FAT3: variants seen among roughly 807,000 people sequenced by gnomAD.
FAT3 encodes the protein protocadherin Fat 3.
Under a neutral mutation model 310.2 loss-of-function variants are expected in FAT3, and 95 were observed. The ratio of observed to expected loss-of-function variants is 0.31; its 90% confidence interval spans 0.26 to 0.36. FAT3 has a LOEUF of 0.36. Ranked by LOEUF, FAT3 falls within the 10% of genes least tolerant of loss-of-function variation. The pLI, the probability that FAT3 is intolerant of heterozygous loss-of-function variation, is 1.00. For missense variants in FAT3, 5,408 were observed against 5,715.6 expected (o/e 0.95, Z 1.74); for synonymous variants, 2,314 against 2,192.9 (o/e 1.06, Z -1.54).
intron 3 of FAT3, among the ~76,000 whole-genome samples, chr11:92,668,939 A>G (rs1208898254): frequency 6.6e-6 from 1 of 152,216 alleles, no homozygotes; most frequent in Non-Finnish European, 1.5e-5. Flanking sequence ...GGGATTGGGT[A>G]AAATGTGGAA....
chr11:92,774,154 G>A lies in FAT3; in HGVS notation c.4309G>A (p.Asp1437Asn), dbSNP rs779763036. 4.3e-6 allele frequency: 7 copies of A among 1,612,140 alleles called. No homozygotes were observed. Among genetic ancestry groups the A allele is most frequent in the South Asian group, 1.1e-5 (1 of 90,718 alleles). ...SIYNMSVEVTDGTNVAVTQVF... is the reference protein window; with the variant it reads ...SIYNMSVEVTNGTNVAVTQVF... ...CTATAATATGAGTGTGGAAGTCACC[G>A]ATGGGACAAATGTTGCTGTTACTCA... The change falls in exon 7 of 28, where the codon GAT (aspartate) becomes AAT (asparagine). Residue 1437 changes from aspartate to asparagine, a missense_variant. Physicochemically the swap from Asp to Asn is conservative, Grantham distance 23. This residue lies in a region of FAT3 where 4,588 missense variants were observed against 4,809.8 expected (regional missense o/e 0.95). Transcript: ENST00000525166.
At chr11:92,779,540 C>A (rs1408475311) in intron 7 of FAT3, among the ~76,000 whole-genome samples, 3 of 151,748 alleles carry the variant, frequency 2.0e-5, no homozygotes, top group African/African-American at 7.3e-5. Flanking sequence ...TAAAAAAAAC[C>A]CAAGTGTTTA....
chr11:92,723,075 C>A (rs1194863126), intron 4 of FAT3, among the ~76,000 whole-genome samples: 1 of 152,186 alleles, frequency 6.6e-6, no homozygotes, highest in African/African-American at 2.4e-5. Flanking sequence ...GCTTGAATTT[C>A]TCCTCAGAAA....
rs1208826432 is a variant in FAT3, at chr11:92,418,419, A to ACCCC, written c.3292+63020_3292+63023dup. ...ACAAACTTCAGTGCAAAAGTTAAAC[A>ACCCC]CCCCCCCCACCCCCCCACACACACA... is the stretch of plus-strand genomic sequence containing the variant. On this transcript the variant is annotated intron_variant, in intron 2 of 27. Coordinates refer to ENST00000525166, the MANE Select transcript of FAT3 (RefSeq NM_001367949.2). 6.9e-3 allele frequency among the ~76,000 whole-genome samples: 271 copies of ACCCC among 39,504 alleles called. 2 individuals are homozygous for ACCCC. The highest frequency in any genetic ancestry group is 0.011 in the Non-Finnish European group (205 of 18,300). The allele number at this position is 39,504 out of a possible 152,430, so 25.9% of individuals were successfully genotyped here. A position where few individuals can be genotyped will look rare whatever the true frequency, so the allele number is the denominator to read the frequency against.
Position 92,866,938 on chromosome 11 carries a change from T to C in FAT3, c.11856T>C (p.Thr3952=). Residue 3952 remains threonine, a synonymous_variant, in exon 22 of 28, where the codon ACT becomes ACC. Transcript: ENST00000525166. Reference sequence around the variant, plus strand: ...CCCTCTACTTCCAGACGCTGAGCACTGAGAGTAGCATCTACTTCGGCGCCC... The same window carrying C: ...CCCTCTACTTCCAGACGCTGAGCACCGAGAGTAGCATCTACTTCGGCGCCC... The part of the protein sequence containing the change: ...RAPLYFQTLS[T]ESSIYFGALV... 1.2e-6 allele frequency: 2 copies of C among 1,613,820 alleles called. No individual in the cohort carries two copies. Among genetic ancestry groups the C allele is most frequent in the Non-Finnish European group, 1.7e-6 (2 of 1,179,838 alleles).
intron 2 of FAT3, among the ~76,000 whole-genome samples, chr11:92,365,326 C>T (rs1402735732): frequency 1.3e-5 from 2 of 151,894 alleles, no homozygotes; most frequent in Non-Finnish European, 2.9e-5. Flanking sequence ...ACACACATAC[C>T]CTAAAAGATA....
chr11:92,490,205 A>G (rs1194310856), intron 2 of FAT3, among the ~76,000 whole-genome samples: 1 of 152,170 alleles, frequency 6.6e-6, no homozygotes, highest in African/African-American at 2.4e-5. Context: ...ATATGCAGCT[A>G]ATGATGATAG....
Position 92,361,769 on chromosome 11 carries a change from A to G in FAT3, c.3292+6365A>G, listed in dbSNP as rs755689910. ...TTACTGAACAATAGAATAGCATGAC[A>G]TAGCACGTGACAGCTCTCACAATTG... On this transcript the variant is annotated intron_variant, in intron 2 of 27. Transcript: ENST00000525166. 6.0e-4 allele frequency among the ~76,000 whole-genome samples: 92 copies of G among 152,350 alleles called. 1 individual carries two copies. The highest frequency in any genetic ancestry group is 6.8e-3 in the Middle Eastern group (2 of 294).
chr11:92,593,646 TAA>T (rs1458197067), intron 3 of FAT3, among the ~76,000 whole-genome samples: 4 of 152,070 alleles, frequency 2.6e-5, no homozygotes, highest in Admixed American at 6.6e-5. Flanking sequence ...TCTAGAAGGG[TAA>T]CTAACATAAA....
Position 92,893,428 on chromosome 11 carries a change from T to C in FAT3, c.*2315T>C, listed in dbSNP as rs1949959154. The stretch of plus-strand genomic sequence containing the variant: ...CTAGAATAGAGTGACTGCTACACTT[T>C]AAGTAATGCAATGACATAAAAACCA... On this transcript the variant is annotated 3_prime_UTR_variant, in exon 28 of 28. Transcript: ENST00000525166. The C allele has an allele frequency of 6.6e-6, 1 of 152,200 alleles. No homozygotes were observed. Among genetic ancestry groups the C allele is most frequent in the South Asian group, 2.1e-4 (1 of 4,824 alleles). 9.4% of individuals were successfully genotyped at this position (152,200 alleles called of 1,614,324 possible). A position where few individuals can be genotyped will look rare whatever the true frequency, so the allele number is the denominator to read the frequency against.
At chr11:92,790,586 A>G (rs1947016188) in intron 8 of FAT3, among the ~76,000 whole-genome samples, 1 of 152,182 alleles carries the variant, frequency 6.6e-6, no homozygotes. Context: ...AGTTAATCAC[A>G]AGGGTAATCA....
intron 2 of FAT3, among the ~76,000 whole-genome samples, chr11:92,378,329 A>G (rs1295123403): frequency 4.6e-5 from 7 of 152,046 alleles, no homozygotes; most frequent in Admixed American, 4.6e-4. Context: ...TACTTCTTAT[A>G]TTTCTATTAT....
At chr11:92,471,838 A>G (rs1435024317) in intron 2 of FAT3, among the ~76,000 whole-genome samples, 2 of 151,070 alleles carry the variant, frequency 1.3e-5, no homozygotes, top group Non-Finnish European at 2.9e-5. Context: ...CCAGAGCTAC[A>G]TTTAGTAGCA....
intron 1 of FAT3, among the ~76,000 whole-genome samples, chr11:92,343,434 G>A (rs1034005920): frequency 7.2e-5 from 11 of 152,098 alleles, no homozygotes; most frequent in Admixed American, 2.0e-4. Flanking sequence ...TAGACAAGCA[G>A]AGTTTTCCAC....
At chr11:92,407,652 A>G (rs548183426) in intron 2 of FAT3, among the ~76,000 whole-genome samples, 1 of 152,280 alleles carries the variant, frequency 6.6e-6, no homozygotes, top group African/African-American at 2.4e-5. Context: ...AGAAAAAATT[A>G]CCCAAACAAG....
intron 2 of FAT3, among the ~76,000 whole-genome samples, chr11:92,363,196 T>A (rs1320723637): frequency 6.6e-6 from 1 of 152,206 alleles, no homozygotes; most frequent in Non-Finnish European, 1.5e-5. Flanking sequence ...ATTTATTTAG[T>A]TCAATTGAAG....
intron 2 of FAT3, among the ~76,000 whole-genome samples, chr11:92,414,351 A>T (rs562785541): frequency 6.6e-6 from 1 of 152,322 alleles, no homozygotes; most frequent in East Asian, 1.9e-4. Flanking sequence ...GCTTAAAAAG[A>T]GAACTAGAAA....
intron 2 of FAT3, among the ~76,000 whole-genome samples, chr11:92,395,831 G>A (rs1039781601): frequency 1.4e-4 from 21 of 152,156 alleles, no homozygotes; most frequent in African/African-American, 5.1e-4. Context: ...CTCCCACCTT[G>A]GCCTCCCAAA....
At chr11:92,471,066 T>G (rs1951891356) in intron 2 of FAT3, among the ~76,000 whole-genome samples, 1 of 152,208 alleles carries the variant, frequency 6.6e-6, no homozygotes, top group Admixed American at 6.5e-5. Context: ...GCAGTCTATT[T>G]GATAGATATG....
Sources: allele counts gnomAD v4.1 joint callset (sites outside exome capture counted in the v4.1 genomes callset), GRCh38; gene constraint gnomAD v4.1.1; regional missense constraint gnomAD v4.1.1; transcripts MANE v1.5; gene names NCBI Gene and HGNC (gene_info 2026-07-23, HGNC 2026-07-21).